MTCL1: variants seen among roughly 807,000 people sequenced by gnomAD.
MTCL1 encodes microtubule crosslinking factor 1.
MTCL1 carries 79 observed loss-of-function variants against 141.4 expected under a neutral mutation model. That is an observed-to-expected ratio of 0.56 (90% CI 0.47 to 0.67). MTCL1 has a LOEUF of 0.67. MTCL1 is among the 30% of genes least tolerant of loss of function. MTCL1 has a pLI of 0.00. For missense variants in MTCL1, 2,177 were observed against 2,113.9 expected, an observed-to-expected ratio of 1.03 and a Z score of -0.59; for synonymous variants, 914 against 875.8, an observed-to-expected ratio of 1.04 and a Z score of -0.77.
chr18:8,748,691 G>A (rs1409161762), intron 4 of MTCL1, among the ~76,000 whole-genome samples: 1 of 151,938 alleles, frequency 6.6e-6, no homozygotes, highest in Non-Finnish European at 1.5e-5. Context: ...GACTCTACAT[G>A]TGTGTGTATA....
In MTCL1 at chr18:8,822,272, T is replaced by C. The variant is rs1025742165; in HGVS notation, c.3188+774T>C. ...GAGAGCTCAGGCTCTAGAGCCAAAC[T>C]GCCTGGGTTGGTTGGTTGGTTGGTT... On this transcript the variant is annotated intron_variant, in intron 14 of 16. Coordinates refer to ENST00000359865, the Ensembl canonical transcript of MTCL1. The surrounding 1 kb of genome is among the most constrained non-coding windows in gnomAD (Gnocchi z 4.6). 6.6e-6 allele frequency among the ~76,000 whole-genome samples: 1 copy of C among 152,290 alleles called. No individual in the cohort carries two copies.
At chr18:8,815,247 A>G (rs1317133585) in intron 12 of MTCL1, among the ~76,000 whole-genome samples, 1 of 151,910 alleles carries the variant, frequency 6.6e-6, no homozygotes, top group Admixed American at 6.6e-5. Flanking sequence ...GGTAGACTGG[A>G]TTAAGAAAAT....
At chr18:8,743,117 C>T (rs978849676) in intron 4 of MTCL1, among the ~76,000 whole-genome samples, 12 of 152,248 alleles carry the variant, frequency 7.9e-5, no homozygotes, top group Non-Finnish European at 1.2e-4. Context: ...GGAGAAGTCC[C>T]GTGTGGAGGA....
intron 4 of MTCL1, among the ~76,000 whole-genome samples, chr18:8,752,112 G>C (rs999785089): frequency 6.6e-6 from 1 of 152,228 alleles, no homozygotes; most frequent in African/African-American, 2.4e-5. Flanking sequence ...TTGACTCTAG[G>C]ACATCCCGAT....
chr18:8,803,581 C>T (rs1012800671), intron 10 of MTCL1, among the ~76,000 whole-genome samples: 1 of 152,172 alleles, frequency 6.6e-6, no homozygotes, highest in Non-Finnish European at 1.5e-5. Context: ...GTGCTAATGG[C>T]AGGAGCTTGC....
chr18:8,796,070 A>C (rs1215161508), intron 8 of MTCL1, among the ~76,000 whole-genome samples, 162 bp from the exon 8 acceptor site: 1 of 152,192 alleles, frequency 6.6e-6, no homozygotes, highest in East Asian at 1.9e-4. Flanking sequence ...TAAACAGGAA[A>C]CTGAAGCCCT....
intron 4 of MTCL1, among the ~76,000 whole-genome samples, chr18:8,764,606 C>G (rs754178525): frequency 2.0e-5 from 3 of 152,180 alleles, no homozygotes; most frequent in Non-Finnish European, 4.4e-5. Context: ...ACATGAGCCA[C>G]TGGCCCTGGC....
chr18:8,722,488 CAT>C (rs1328553508), intron 4 of MTCL1, among the ~76,000 whole-genome samples: 1 of 152,168 alleles, frequency 6.6e-6, no homozygotes, highest in Non-Finnish European at 1.5e-5. Context: ...TTCCTGATAA[CAT>C]AAAACAGCCA....
Position 8,828,841 on chromosome 18 carries a change from T to C in MTCL1, c.4723-67T>C. On this transcript the variant is annotated intron_variant, in intron 15 of 16. Coordinates refer to ENST00000359865, the Ensembl canonical transcript of MTCL1. The surrounding 1 kb of genome is among the most constrained non-coding windows in gnomAD (Gnocchi z 5.2). ...CTTGCTGACTTTAAACCTTTATTGT[T>C]CTCCTGTTTAAAAAACACTTTCCAA... 9.9e-6 allele frequency: 16 copies of C among 1,612,154 alleles called. No individual in the cohort carries two copies. Among genetic ancestry groups the C allele is most frequent in the Non-Finnish European group, 1.3e-5 (15 of 1,179,598 alleles).
At chr18:8,778,043 T>G in intron 5 of MTCL1, 151 bp downstream of exon 4, 1 of 590,196 alleles carries the variant, frequency 1.7e-6, no homozygotes, top group Non-Finnish European at 2.8e-6. Flanking sequence ...ACCTCCACAG[T>G]GTGAACATTT....
intron 4 of MTCL1, among the ~76,000 whole-genome samples, chr18:8,730,425 T>G (rs914271811): frequency 6.6e-6 from 1 of 152,206 alleles, no homozygotes; most frequent in Non-Finnish European, 1.5e-5. Flanking sequence ...TATTTAAAAA[T>G]CTCTTGCTGA....
chr18:8,758,601 G>T (rs565253459), intron 4 of MTCL1, among the ~76,000 whole-genome samples: 3 of 152,288 alleles, frequency 2.0e-5, no homozygotes, highest in Admixed American at 6.5e-5. Context: ...TCCAGAACTT[G>T]ATAAATCTAA....
chr18:8,717,030 T>C (rs376631994), upstream of MTCL1, among the ~76,000 whole-genome samples: 8 of 152,290 alleles, frequency 5.3e-5, no homozygotes, highest in African/African-American at 1.9e-4. Context: ...TTGTGTCTGA[T>C]GTTAGTCGCC....
chr18:8,818,836 AT>A (rs2076747140), intron 12 of MTCL1, 126 bp from the exon 12 acceptor site: 1 of 958,346 alleles, frequency 1.0e-6, no homozygotes, highest in South Asian at 1.6e-5. Context: ...CTTTAAGAAC[AT>A]TTGCTTCTCA....
At chr18:8,806,795 A>G (rs1170438317) in intron 10 of MTCL1, 98 bp from the exon 10 acceptor site, 2 of 1,328,126 alleles carry the variant, frequency 1.5e-6, no homozygotes, top group Non-Finnish European at 2.1e-6. Flanking sequence ...CACCTGGGAA[A>G]CAGCCCCCAC....
intron 14 of MTCL1, 61 bp from the exon 14 acceptor site, chr18:8,824,638 T>G: frequency 2.1e-6 from 3 of 1,410,414 alleles, no homozygotes; most frequent in East Asian, 2.4e-5. Flanking sequence ...AGGACATGGG[T>G]GTTGTGGTGT....
chr18:8,754,652 G>A (rs976530306), intron 4 of MTCL1, among the ~76,000 whole-genome samples: 4 of 152,258 alleles, frequency 2.6e-5, no homozygotes, highest in African/African-American at 9.6e-5. Flanking sequence ...TTTTAAATTT[G>A]TATTTTTGCA....
intron 11 of MTCL1, among the ~76,000 whole-genome samples, chr18:8,809,148 A>G (rs1427922648): frequency 6.6e-6 from 1 of 152,242 alleles, no homozygotes; most frequent in Admixed American, 6.5e-5. Flanking sequence ...TTATCATGAA[A>G]GTTTAGATTC....
intron 7 of MTCL1, 69 bp from the exon 7 acceptor site, chr18:8,792,929 T>C: frequency 1.3e-6 from 2 of 1,587,004 alleles, no homozygotes; most frequent in Non-Finnish European, 8.6e-7. Flanking sequence ...TGCAGATGTC[T>C]GTCCTGCGTC....
Sources: gnomAD v4.1 joint callset for allele counts (sites outside exome capture counted in the v4.1 genomes callset) on GRCh38, gnomAD v4.1.1 for gene constraint, Gnocchi (gnomAD v3.1) non-coding constraint, MANE v1.5 for transcripts, NCBI Gene and HGNC (gene_info 2026-07-23, HGNC 2026-07-21) for gene names.